Variants in RALYL observed in about 807,000 individuals in gnomAD.
RALYL encodes the protein RALY RNA binding protein like.
RALYL carries 29 observed loss-of-function variants against 35.1 expected under a neutral mutation model. The observed-to-expected ratio is 0.83, with a 90% CI of 0.61 to 1.13. The LOEUF (loss-of-function observed/expected upper bound fraction) is 1.13, where lower values mean the gene tolerates loss of function less well. Ranked by LOEUF, RALYL falls within the 50% of genes most tolerant of loss-of-function variation. RALYL has a pLI of 0.00. For missense variants in RALYL, 359 were observed against 360.4 expected, an observed-to-expected ratio of 1.00 and a Z score of 0.03; for synonymous variants, 120 against 127.6, an observed-to-expected ratio of 0.94 and a Z score of 0.40.
chr8:84,288,452 A>G (rs1299204577), intron 1 of RALYL, among the ~76,000 whole-genome samples: 2 of 152,180 alleles, frequency 1.3e-5, no homozygotes, highest in African/African-American at 2.4e-5. Flanking sequence ...TCAATGGCTT[A>G]GCTTGTTATT....
intron 1 of RALYL, among the ~76,000 whole-genome samples, chr8:84,497,642 G>GTTTTTTTT (rs71271999): frequency 2.2e-4 from 26 of 117,230 alleles, no homozygotes; most frequent in South Asian, 2.8e-4. Flanking sequence ...TTTTGTTTTT[G>GTTTTTTTT]TTTTTTTTTT....
chr8:84,750,936 T>A (rs953001285), intron 2 of RALYL, among the ~76,000 whole-genome samples: 1 of 152,176 alleles, frequency 6.6e-6, no homozygotes, highest in Non-Finnish European at 1.5e-5. Context: ...GAAAATGAAC[T>A]AAGACTCCCT....
chr8:84,366,648 G>A (rs1854335365), intron 1 of RALYL, among the ~76,000 whole-genome samples: 1 of 150,544 alleles, frequency 6.6e-6, no homozygotes, highest in Non-Finnish European at 1.5e-5. Context: ...GGTGGCTTGT[G>A]CAGGTAATCC....
chr8:84,605,057 T>G (rs898537402), intron 2 of RALYL, among the ~76,000 whole-genome samples: 1 of 152,120 alleles, frequency 6.6e-6, no homozygotes, highest in Non-Finnish European at 1.5e-5. Flanking sequence ...GATGAATTTT[T>G]ATTATAAAGT....
chr8:84,819,570 T>C (rs1028884273), intron 4 of RALYL, among the ~76,000 whole-genome samples: 7 of 152,176 alleles, frequency 4.6e-5, no homozygotes, highest in African/African-American at 1.7e-4. Context: ...TACTGTTCAA[T>C]AGTAAAATAC....
At chr8:84,451,414 C>T (rs1203065236) in intron 1 of RALYL, among the ~76,000 whole-genome samples, 1 of 151,856 alleles carries the variant, frequency 6.6e-6, no homozygotes, top group Non-Finnish European at 1.5e-5. Context: ...CAGGTCACAG[C>T]CCAAAGACAA....
At chr8:84,649,565 G>A (rs1415600824) in intron 2 of RALYL, among the ~76,000 whole-genome samples, 16 of 151,766 alleles carry the variant, frequency 1.1e-4, no homozygotes, top group Non-Finnish European at 1.6e-4. Context: ...TGTTTTTCTC[G>A]GGTTTGTCAA....
chr8:84,771,548 C>G (rs1563567138), intron 2 of RALYL, among the ~76,000 whole-genome samples: 1 of 152,050 alleles, frequency 6.6e-6, no homozygotes. Flanking sequence ...GAAATGCCAG[C>G]ATTTGATATT....
chr8:84,559,183 G>GT (rs1484795893), intron 2 of RALYL, among the ~76,000 whole-genome samples: 7 of 151,628 alleles, frequency 4.6e-5, no homozygotes, highest in African/African-American at 1.7e-4. Flanking sequence ...ATAAAATAAT[G>GT]TTTTTCTGTT....
At chr8:84,797,817 A>G (rs1317126727) in intron 3 of RALYL, among the ~76,000 whole-genome samples, 1 of 152,232 alleles carries the variant, frequency 6.6e-6, no homozygotes, top group Non-Finnish European at 1.5e-5. Flanking sequence ...TAAGGCACAC[A>G]GGAGCCACTT....
chr8:84,804,770 A>G lies in RALYL; in HGVS notation c.333A>G (p.Arg111=). ...GNKRPLSALY[R]LESKEPFLSV... ...AGAAAATTTTCATATTTTTTCATAG[A>G]CTTGAATCAAAGGAACCTTTCCTGT... Residue 111 remains arginine, a splice_region_variant and synonymous_variant, in exon 4 of 9, where the codon AGA becomes AGG. Coordinates refer to ENST00000521268, the MANE Select transcript of RALYL (RefSeq NM_173848.7). 8.5e-7 allele frequency: 1 copy of G among 1,171,712 alleles called. No homozygotes were observed. The highest frequency in any genetic ancestry group is 1.1e-6 in the Non-Finnish European group (1 of 893,442). 72.6% of individuals were successfully genotyped at this position (1,171,712 alleles called of 1,614,324 possible). A position where few individuals can be genotyped will look rare whatever the true frequency, so the allele number is the denominator to read the frequency against.
intron 1 of RALYL, among the ~76,000 whole-genome samples, chr8:84,304,666 A>G (rs1841469658): frequency 6.6e-6 from 1 of 152,212 alleles, no homozygotes; most frequent in Admixed American, 6.5e-5. Flanking sequence ...GTTTTTAAAG[A>G]AAAGTCATAG....
intron 1 of RALYL, among the ~76,000 whole-genome samples, chr8:84,495,570 C>A (rs777858567): frequency 2.6e-5 from 4 of 152,022 alleles, no homozygotes; most frequent in Non-Finnish European, 4.4e-5. Flanking sequence ...ATTTTCCTGG[C>A]ATACGGAAGC....
intron 1 of RALYL, among the ~76,000 whole-genome samples, chr8:84,494,096 G>A (rs557192235): frequency 6.6e-6 from 1 of 152,168 alleles, no homozygotes; most frequent in South Asian, 2.1e-4. Context: ...TGTAAGGAAT[G>A]GGTCCAGTTT....
chr8:84,400,581 G>A (rs1443716800), intron 1 of RALYL, among the ~76,000 whole-genome samples: 1 of 152,204 alleles, frequency 6.6e-6, no homozygotes, highest in Non-Finnish European at 1.5e-5. Context: ...GGTGGCTAAG[G>A]AAGGGAACTG....
intron 6 of RALYL, among the ~76,000 whole-genome samples, chr8:84,865,118 T>C (rs969582428): frequency 9.8e-5 from 15 of 152,328 alleles, no homozygotes; most frequent in African/African-American, 3.6e-4. Flanking sequence ...TATACATATA[T>C]GTAAATAAAA....
At chr8:84,495,938 C>T (rs2055959867) in intron 1 of RALYL, among the ~76,000 whole-genome samples, 1 of 152,006 alleles carries the variant, frequency 6.6e-6, no homozygotes, top group South Asian at 2.1e-4. Flanking sequence ...TAACTACTCA[C>T]TGGCCATATT....
chr8:84,483,568 A>G (rs1274730804), intron 1 of RALYL, among the ~76,000 whole-genome samples: 3 of 152,114 alleles, frequency 2.0e-5, no homozygotes, highest in Non-Finnish European at 1.5e-5. Context: ...TAAATAATGT[A>G]CCTTTGTCCT....
At chr8:84,527,791 T>G (rs946988911) in intron 1 of RALYL, among the ~76,000 whole-genome samples, 2 of 152,154 alleles carry the variant, frequency 1.3e-5, no homozygotes, top group African/African-American at 4.8e-5. Context: ...CAAGGCAGTG[T>G]TATAATCTTT....
Sources: allele counts gnomAD v4.1 joint callset (sites outside exome capture counted in the v4.1 genomes callset), GRCh38; gene constraint gnomAD v4.1.1; transcripts MANE v1.5; gene names NCBI Gene and HGNC (gene_info 2026-07-23, HGNC 2026-07-21).